Variants in TNS3 observed in about 807,000 individuals in gnomAD.
The protein encoded by TNS3 is tensin 3.
A neutral mutation model predicts 140.9 loss-of-function variants in TNS3; 45 were observed. The observed-to-expected ratio is 0.32, with a 90% confidence interval of 0.25 to 0.41. TNS3 has a LOEUF of 0.41. Ranked by LOEUF, TNS3 falls within the 10% of genes least tolerant of loss-of-function variation. The pLI is 1.00. For synonymous variants in TNS3, 815 were observed against 788.4 expected (o/e 1.03, Z -0.56); for missense variants, 1,716 against 1,906.7 (o/e 0.90, Z 1.86).
intron 30 of TNS3, 138 bp from the exon 31 acceptor site, chr7:47,278,358 G>T: frequency 1.1e-6 from 1 of 939,322 alleles, no homozygotes; most frequent in Non-Finnish European, 1.6e-6. Context: ...CCAGCACCCT[G>T]CTGGCCACCT....
intron 20 of TNS3, among the ~76,000 whole-genome samples, chr7:47,327,939 G>C (rs1395116488): frequency 6.6e-6 from 1 of 152,188 alleles, no homozygotes; most frequent in East Asian, 1.9e-4. Flanking sequence ...GGCGTGTAGG[G>C]ACTGAGCAGG....
chr7:47,501,157 A>C (rs1160165199), intron 3 of TNS3, among the ~76,000 whole-genome samples: 1 of 132,544 alleles, frequency 7.5e-6, no homozygotes, highest in East Asian at 2.7e-4. Context: ...GGGAGGAAGG[A>C]AAGAAAGGGA....
At chr7:47,531,695 C>T (rs1397560056) in intron 1 of TNS3, among the ~76,000 whole-genome samples, 3 of 152,222 alleles carry the variant, frequency 2.0e-5, no homozygotes, top group Non-Finnish European at 2.9e-5. Context: ...TTGATGACAG[C>T]GGTTGCTACC....
intron 17 of TNS3, among the ~76,000 whole-genome samples, chr7:47,356,262 G>A (rs1360095208): frequency 4.6e-5 from 7 of 152,128 alleles, no homozygotes; most frequent in Admixed American, 4.6e-4. Context: ...CCTAAAGCTC[G>A]GGCCTCACCT....
intron 2 of TNS3, among the ~76,000 whole-genome samples, chr7:47,516,805 A>G (rs1040797994): frequency 6.6e-5 from 10 of 152,198 alleles, no homozygotes; most frequent in Admixed American, 5.9e-4. Context: ...GCTCACGGCT[A>G]TAATCCCAGC....
chr7:47,306,578 ATT>A (rs60884592), intron 20 of TNS3, among the ~76,000 whole-genome samples: 2 of 147,954 alleles, frequency 1.4e-5, no homozygotes, highest in East Asian at 2.0e-4. Context: ...ACCTTAGAGA[ATT>A]TTTTTTTTTT....
chr7:47,524,381 C>T (rs1799100673), intron 2 of TNS3, among the ~76,000 whole-genome samples: 1 of 152,212 alleles, frequency 6.6e-6, no homozygotes, highest in African/African-American at 2.4e-5. Context: ...CTTTCTACTG[C>T]CTCTAGACAA....
intron 8 of TNS3, among the ~76,000 whole-genome samples, chr7:47,429,474 T>C (rs1462414210): frequency 6.6e-6 from 1 of 152,060 alleles, no homozygotes; most frequent in African/African-American, 2.4e-5. Flanking sequence ...TTCACGCCAT[T>C]CTCCTGCCTC....
intron 3 of TNS3, among the ~76,000 whole-genome samples, chr7:47,488,064 G>A (rs745619309): frequency 6.6e-6 from 1 of 152,148 alleles, no homozygotes; most frequent in Non-Finnish European, 1.5e-5. Context: ...TGCAAGGAGG[G>A]TGGAGCTTTT....
intron 1 of TNS3, among the ~76,000 whole-genome samples, chr7:47,536,519 A>G (rs979878116): frequency 6.6e-6 from 1 of 152,244 alleles, no homozygotes; most frequent in African/African-American, 2.4e-5. Flanking sequence ...CAGAGCTAAA[A>G]TGCCCTTTAC....
chr7:47,368,577 G>A lies in TNS3; in HGVS notation c.2069C>T (p.Ser690Leu), dbSNP rs372040800. 2.0e-5 allele frequency: 32 copies of A among 1,568,082 alleles called. No homozygotes were observed. Among genetic ancestry groups the A allele is most frequent in the East Asian group, 2.3e-5 (1 of 44,312 alleles). Residue 690 changes from serine (S) to leucine (L), a missense_variant, in exon 17 of 31, where the codon TCG becomes TTG. Around this residue, in one of 3 missense-constraint regions of TNS3, gnomAD observed 1,163 missense variants for 1,182.1 expected, o/e 0.98. Transcript: ENST00000311160. ...GGACTGGTCGATGTCCAGGGTGGGC[G>A]AGCCTGGGGAGGGGCCTGTGCTCAG... ...PELSTGPSPGSPTLDIDQSIE... is the reference protein window; with the variant it reads ...PELSTGPSPGLPTLDIDQSIE...
At chr7:47,491,635 A>AT (rs1394484631) in intron 3 of TNS3, among the ~76,000 whole-genome samples, 1 of 152,214 alleles carries the variant, frequency 6.6e-6, no homozygotes, top group African/African-American at 2.4e-5. Flanking sequence ...CACGAACTCC[A>AT]TATTTTTCAG....
Position 47,369,272 on chromosome 7 carries a change from C to T in TNS3, c.1374G>A (p.Val458=). Residue 458 remains valine, a synonymous_variant, in exon 17 of 31, where the codon GTG becomes GTA. Transcript: ENST00000311160. The stretch of plus-strand genomic sequence containing the variant: ...CTCCATTCACGTGAACCTGGGCTGG[C>T]ACCACGTGGCGGGTCCCACTGTACT... ...RSKYSGTRHV[V]PAQVHVNGDA... is the part of the protein sequence containing the mutation. 6.2e-7 allele frequency: 1 copy of T among 1,614,182 alleles called. No individual in the cohort carries two copies. The highest frequency in any genetic ancestry group is 1.1e-5 in the South Asian group (1 of 91,074).
chr7:47,288,697 C>A (rs1018400964), intron 27 of TNS3, among the ~76,000 whole-genome samples: 2 of 152,202 alleles, frequency 1.3e-5, no homozygotes, highest in African/African-American at 4.8e-5. Context: ...GGCCCAGGAC[C>A]AGCCCAGGTC....
intron 1 of TNS3, 71 bp from the exon 2 acceptor site, chr7:47,529,218 G>A: frequency 9.2e-6 from 8 of 867,204 alleles, no homozygotes; most frequent in South Asian, 1.7e-5. Flanking sequence ...TTCATTTAAG[G>A]GAAATAATAA....
At chr7:47,581,404 C>T (rs1562868448) in intron 1 of TNS3, 1 of 152,008 alleles carries the variant, frequency 6.6e-6, no homozygotes, top group Non-Finnish European at 1.5e-5. Context: ...GCCTCCCACC[C>T]ACCAAAGGGA....
intron 1 of TNS3, among the ~76,000 whole-genome samples, chr7:47,544,546 T>C (rs1008754099): frequency 7.9e-5 from 12 of 152,088 alleles, no homozygotes; most frequent in African/African-American, 2.9e-4. Context: ...AGGACACAGA[T>C]AGAAGGTGCC....
At chr7:47,325,182 A>G (rs1441413840) in intron 20 of TNS3, among the ~76,000 whole-genome samples, 1 of 152,048 alleles carries the variant, frequency 6.6e-6, no homozygotes, top group Non-Finnish European at 1.5e-5. Flanking sequence ...TTTCCTTCTT[A>G]CCTCCACAGA....
At chr7:47,348,587 C>T (rs1789484181) in intron 17 of TNS3, among the ~76,000 whole-genome samples, 1 of 152,180 alleles carries the variant, frequency 6.6e-6, no homozygotes, top group Non-Finnish European at 1.5e-5. Context: ...TGCAAATCAC[C>T]GATTTGAGCA....
Sources: allele counts gnomAD v4.1 joint callset (sites outside exome capture counted in the v4.1 genomes callset), GRCh38; gene constraint gnomAD v4.1.1; regional missense constraint gnomAD v4.1.1; transcripts MANE v1.5; gene names NCBI Gene and HGNC (gene_info 2026-07-23, HGNC 2026-07-21).